FRMD3: variants seen among roughly 807,000 people sequenced by gnomAD.
FRMD3 encodes FERM domain containing 3, also known as FERM domain-containing protein 3.
A neutral mutation model predicts 70.2 loss-of-function variants in FRMD3; 33 were observed. That is an observed-to-expected ratio of 0.47 (90% CI 0.36 to 0.63). The LOEUF (loss-of-function observed/expected upper bound fraction) is 0.63, where lower values mean the gene tolerates loss of function less well. FRMD3 is among the 20% of genes least tolerant of loss of function. The pLI, the probability that FRMD3 is intolerant of heterozygous loss-of-function variation, is 0.00. For missense variants in FRMD3, 632 were observed against 711.4 expected (o/e 0.89, Z 1.27); for synonymous variants, 279 against 255.9 (o/e 1.09, Z -0.86).
chr9:83,528,269 A>C (rs1037978211), intron 1 of FRMD3, among the ~76,000 whole-genome samples: 7 of 149,810 alleles, frequency 4.7e-5, no homozygotes, highest in Non-Finnish European at 1.0e-4. Flanking sequence ...TTGTCCTTCT[A>C]CTCTTAATAT....
At chr9:83,320,554 A>C (rs565841482) in intron 6 of FRMD3, among the ~76,000 whole-genome samples, 2 of 151,632 alleles carry the variant, frequency 1.3e-5, no homozygotes, top group East Asian at 1.9e-4. Context: ...AATTTTCAGC[A>C]AATAAAATTT....
At chr9:83,341,429 T>C (rs1823754769) in intron 5 of FRMD3, among the ~76,000 whole-genome samples, 1 of 152,110 alleles carries the variant, frequency 6.6e-6, no homozygotes, top group Non-Finnish European at 1.5e-5. Flanking sequence ...GAGCATGTCC[T>C]TGGAGAATTG....
At chr9:83,466,691 G>A (rs779895471) in intron 1 of FRMD3, among the ~76,000 whole-genome samples, 2 of 152,140 alleles carry the variant, frequency 1.3e-5, no homozygotes, top group Non-Finnish European at 2.9e-5. Context: ...GCCTGGAGGT[G>A]TATCATTTCA....
intron 1 of FRMD3, among the ~76,000 whole-genome samples, chr9:83,418,160 G>C (rs751111465): frequency 6.6e-6 from 1 of 152,000 alleles, no homozygotes; most frequent in Non-Finnish European, 1.5e-5. Flanking sequence ...ACATATTCAC[G>C]AAGCTAAGGG....
At chr9:83,545,364 T>G in the FRMD3 span, among the ~76,000 whole-genome samples, 38 of 146,590 alleles carry the variant, frequency 2.6e-4, no homozygotes, top group African/African-American at 6.8e-4. Flanking sequence ...TTGTTTTTTT[T>G]TTTTTTTTTT....
chr9:83,394,127 T>C (rs1322648515), intron 1 of FRMD3, among the ~76,000 whole-genome samples: 1 of 152,016 alleles, frequency 6.6e-6, no homozygotes, highest in African/African-American at 2.4e-5. Flanking sequence ...AGGGGTTGTG[T>C]CCTCTCTCTC....
Position 83,349,186 on chromosome 9 carries a change from G to T in FRMD3, c.374+493C>A, listed in dbSNP as rs113618163. On this transcript the variant is annotated intron_variant, in intron 4 of 13. Coordinates refer to ENST00000304195, the MANE Select transcript of FRMD3 (RefSeq NM_174938.6). ...GAGGTGAGAAGGGAGGAGGTCCAAG[G>T]ACTCAAAAATTCGGAGAGTTGGGCT... 4.6e-3 allele frequency among the ~76,000 whole-genome samples: 701 copies of T among 152,280 alleles called. 9 individuals are homozygous for T. Among genetic ancestry groups the T allele is most frequent in the African/African-American group, 0.016 (675 of 41,558 alleles).
intron 12 of FRMD3, among the ~76,000 whole-genome samples, chr9:83,293,726 C>T (rs1206030010): frequency 1.3e-5 from 2 of 152,200 alleles, no homozygotes; most frequent in African/African-American, 2.4e-5. Context: ...TCATAGGCTC[C>T]TGTTTCTCTG....
intron 1 of FRMD3, among the ~76,000 whole-genome samples, chr9:83,416,784 T>TCTCA (rs58763751): frequency 1.0e-5 from 1 of 96,904 alleles, no homozygotes; most frequent in Non-Finnish European, 2.2e-5. Flanking sequence ...TCTCTCTCTC[T>TCTCA]CTCACTCTCT....
intron 1 of FRMD3, among the ~76,000 whole-genome samples, chr9:83,454,116 G>A (rs113963451): frequency 1.3e-5 from 2 of 152,126 alleles, no homozygotes; most frequent in African/African-American, 4.8e-5. Context: ...TAAATATGGT[G>A]GGGTAACTAA....
the FRMD3 span, among the ~76,000 whole-genome samples, chr9:83,548,689 G>C: frequency 6.6e-6 from 1 of 152,234 alleles, no homozygotes; most frequent in Non-Finnish European, 1.5e-5. Flanking sequence ...CCATAGAACT[G>C]TGCAACATAC....
intron 8 of FRMD3, 52 bp from the exon 9 acceptor site, chr9:83,310,600 G>T (rs771019660): frequency 1.4e-6 from 2 of 1,415,878 alleles, no homozygotes; most frequent in Non-Finnish European, 1.9e-6. Context: ...AGCTAACCAA[G>T]GTACCTGGGT....
chr9:83,494,839 G>GTA (rs1381084124), intron 1 of FRMD3, among the ~76,000 whole-genome samples: 1 of 147,144 alleles, frequency 6.8e-6, no homozygotes, highest in Non-Finnish European at 1.5e-5. Context: ...ATTTATGTGT[G>GTA]TGTGTGTGTG....
At chr9:83,408,564 T>C (rs1490332194) in intron 1 of FRMD3, among the ~76,000 whole-genome samples, 1 of 152,184 alleles carries the variant, frequency 6.6e-6, no homozygotes, top group Admixed American at 6.5e-5. Context: ...TGAAAATGTT[T>C]CCAGCTACCC....
At chr9:83,546,487 C>T in the FRMD3 span, among the ~76,000 whole-genome samples, 1 of 152,204 alleles carries the variant, frequency 6.6e-6, no homozygotes, top group Non-Finnish European at 1.5e-5. Flanking sequence ...TGCCACTAGA[C>T]TGGCTCTATA....
chr9:83,413,752 C>T (rs1826344885), intron 1 of FRMD3, among the ~76,000 whole-genome samples: 1 of 152,018 alleles, frequency 6.6e-6, no homozygotes, highest in Non-Finnish European at 1.5e-5. Context: ...TAGCTTTTTA[C>T]AAAACTGCCT....
chr9:83,364,872 G>C (rs1824738324), intron 3 of FRMD3, among the ~76,000 whole-genome samples: 1 of 152,106 alleles, frequency 6.6e-6, no homozygotes, highest in Non-Finnish European at 1.5e-5. Flanking sequence ...AGAATGCCTT[G>C]AATAAAAATT....
intron 2 of FRMD3, among the ~76,000 whole-genome samples, chr9:83,373,263 C>A (rs1825038609): frequency 6.6e-6 from 1 of 152,194 alleles, no homozygotes. Flanking sequence ...CTAGGTGATT[C>A]TTTGAGCTGC....
At chr9:83,533,770 T>A (rs139102846) in intron 1 of FRMD3, among the ~76,000 whole-genome samples, 2 of 152,224 alleles carry the variant, frequency 1.3e-5, no homozygotes, top group African/African-American at 2.4e-5. Flanking sequence ...AATTATTCAA[T>A]CTACATCGAT....
Sources: allele counts gnomAD v4.1 joint callset (sites outside exome capture counted in the v4.1 genomes callset), GRCh38; gene constraint gnomAD v4.1.1; transcripts MANE v1.5; gene names NCBI Gene and HGNC (gene_info 2026-07-23, HGNC 2026-07-21).